Variants in MYLIP observed in about 807,000 individuals in gnomAD.
MYLIP encodes E3 ubiquitin-protein ligase MYLIP.
A neutral mutation model predicts 45.8 loss-of-function variants in MYLIP; 26 were observed. The observed-to-expected ratio is 0.57, with a 90% CI of 0.42 to 0.79. The LOEUF (loss-of-function observed/expected upper bound fraction) is 0.79. MYLIP is among the 30% of genes least tolerant of loss of function. The pLI is 0.00. For missense variants in MYLIP, 494 were observed against 555.6 expected, an observed-to-expected ratio of 0.89 and a Z score of 1.11; for synonymous variants, 213 against 218.1, an observed-to-expected ratio of 0.98 and a Z score of 0.21.
intron 2 of MYLIP, among the ~76,000 whole-genome samples, chr6:16,135,509 A>G (rs1759531698): frequency 6.6e-6 from 1 of 152,128 alleles, no homozygotes; most frequent in African/African-American, 2.4e-5. Context: ...AAGCCTACAT[A>G]GAGACCTAAC....
At chr6:16,156,461 G>T in the MYLIP span, among the ~76,000 whole-genome samples, 4 of 152,214 alleles carry the variant, frequency 2.6e-5, no homozygotes, top group African/African-American at 9.7e-5. Flanking sequence ...GAAGGTGGTG[G>T]ACTTCTTTCC....
chr6:16,153,091 C>A (rs1759897235), downstream of MYLIP, among the ~76,000 whole-genome samples: 1 of 152,192 alleles, frequency 6.6e-6, no homozygotes. Context: ...CTGTTCACTG[C>A]ACTCTTTTCT....
At chr6:16,130,458 C>G in intron 1 of MYLIP, 99 bp from the exon 2 acceptor site, 2 of 1,254,592 alleles carry the variant, frequency 1.6e-6, no homozygotes, top group Non-Finnish European at 1.1e-6. Context: ...CACCATTGAA[C>G]TTTGTAAAAA....
downstream of MYLIP, among the ~76,000 whole-genome samples, chr6:16,148,701 A>C (rs1040594585): frequency 1.1e-4 from 17 of 152,182 alleles, no homozygotes; most frequent in Admixed American, 1.0e-3. Context: ...TGGCCTGCTC[A>C]AGACAGGGGA....
intron 2 of MYLIP, 66 bp from the exon 3 acceptor site, chr6:16,141,559 C>G (rs754752699): frequency 7.1e-7 from 1 of 1,407,088 alleles, no homozygotes; most frequent in South Asian, 1.4e-5. Flanking sequence ...TGTGAAATTG[C>G]TAAGTAGGCT....
In MYLIP at chr6:16,129,936, G is replaced by A. The variant is rs985228604; in HGVS notation, c.87+527G>A. On this transcript the variant is annotated intron_variant, in intron 1 of 6. Transcript: ENST00000356840. This position sits in a 1 kb window ranked among gnomAD's most constrained non-coding sequence, Gnocchi z 5.1. Reference sequence around the variant, plus strand: ...CTGCATCTCCGGGTTTGCGGGGGACGGGAGGAATAGGTTTGGGTCATCTAC... The same window carrying A: ...CTGCATCTCCGGGTTTGCGGGGGACAGGAGGAATAGGTTTGGGTCATCTAC... Among the ~76,000 whole-genome samples the A allele has an allele frequency of 6.6e-6, 1 of 152,208 alleles. No individual in the cohort carries two copies. Among genetic ancestry groups the A allele is most frequent in the Non-Finnish European group, 1.5e-5 (1 of 68,034 alleles).
the MYLIP span, among the ~76,000 whole-genome samples, chr6:16,156,080 G>A: frequency 8.5e-5 from 13 of 152,198 alleles, 1 homozygote; most frequent in Admixed American, 3.9e-4. Flanking sequence ...TCCCTCTGAA[G>A]TCAAGCCTAT....
intron 2 of MYLIP, 104 bp from the exon 3 acceptor site, chr6:16,141,521 T>G: frequency 8.9e-7 from 1 of 1,127,382 alleles, no homozygotes; most frequent in Non-Finnish European, 1.2e-6. Context: ...TCAGTGTGAC[T>G]TTTAAAATTG....
downstream of MYLIP, among the ~76,000 whole-genome samples, chr6:16,150,804 C>T (rs1759868678): frequency 6.6e-6 from 1 of 152,096 alleles, no homozygotes; most frequent in Admixed American, 6.5e-5. Flanking sequence ...TTTCAAAAAT[C>T]AGTGAAAAAG....
rs1759817876 is a variant in MYLIP, at chr6:16,147,482, T to G, written c.*731T>G. The G allele has an allele frequency of 6.6e-6, 1 of 152,320 alleles. No individual in the cohort carries two copies. Among genetic ancestry groups the G allele is most frequent in the Admixed American group, 6.5e-5 (1 of 15,278 alleles). The allele number at this position is 152,320 out of a possible 1,614,324, so 9.4% of individuals were successfully genotyped here. On this transcript the variant is annotated 3_prime_UTR_variant, in exon 7 of 7. Transcript: ENST00000356840. ...ATCTTGTTATAAGATTACTGTGGAG[T>G]AGTCAAGTACTCCCCGGGCCTTCTG...
chr6:16,151,617 G>A (rs1390853588), downstream of MYLIP, among the ~76,000 whole-genome samples: 2 of 152,114 alleles, frequency 1.3e-5, no homozygotes, highest in Non-Finnish European at 2.9e-5. Context: ...TCTTCTCATA[G>A]AAATTCCAAA....
the MYLIP span, among the ~76,000 whole-genome samples, chr6:16,159,506 C>G: frequency 1.3e-5 from 2 of 152,128 alleles, no homozygotes; most frequent in Non-Finnish European, 2.9e-5. Flanking sequence ...TGTTTGCTGT[C>G]CTTCTTATAA....
intron 6 of MYLIP, among the ~76,000 whole-genome samples, chr6:16,146,062 CT>C (rs1185901498): frequency 6.6e-6 from 1 of 152,196 alleles, no homozygotes; most frequent in Non-Finnish European, 1.5e-5. Flanking sequence ...CAAATGACCC[CT>C]GTGTCCTTTC....
the MYLIP span, among the ~76,000 whole-genome samples, chr6:16,162,143 G>T: frequency 6.6e-6 from 1 of 152,248 alleles, no homozygotes; most frequent in Non-Finnish European, 1.5e-5. Flanking sequence ...GCCAAGGCCT[G>T]TGTGGTAGTG....
At chr6:16,155,677 T>C in the MYLIP span, among the ~76,000 whole-genome samples, 1 of 152,136 alleles carries the variant, frequency 6.6e-6, no homozygotes, top group Non-Finnish European at 1.5e-5. Flanking sequence ...TGCTCTCAGC[T>C]CCTCATGGGA....
At chr6:16,133,755 C>T (rs2237106) in intron 2 of MYLIP, among the ~76,000 whole-genome samples, 12,699 of 152,160 alleles carry the variant, frequency 0.083, 1,057 homozygotes, top group East Asian at 0.34. Context: ...CTATATTTTG[C>T]TCCCGACTTA....
At chr6:16,156,483 G>C in the MYLIP span, among the ~76,000 whole-genome samples, 1 of 152,100 alleles carries the variant, frequency 6.6e-6, no homozygotes, top group South Asian at 2.1e-4. Flanking sequence ...AAATTTCTCT[G>C]ACCATCTCTA....
the MYLIP span, among the ~76,000 whole-genome samples, chr6:16,162,402 G>A: frequency 6.6e-6 from 1 of 152,276 alleles, no homozygotes; most frequent in East Asian, 1.9e-4. Flanking sequence ...CAACAGCCTA[G>A]GAGTAAGAAA....
At chr6:16,162,670 G>T in the MYLIP span, among the ~76,000 whole-genome samples, 1 of 151,076 alleles carries the variant, frequency 6.6e-6, no homozygotes, top group African/African-American at 2.4e-5. Flanking sequence ...TCATTTTACT[G>T]CCGGGCATGG....
Sources: gnomAD v4.1 joint callset for allele counts (sites outside exome capture counted in the v4.1 genomes callset) on GRCh38, gnomAD v4.1.1 for gene constraint, Gnocchi (gnomAD v3.1) non-coding constraint, MANE v1.5 for transcripts, NCBI Gene and HGNC (gene_info 2026-07-23, HGNC 2026-07-21) for gene names.